SGCZ: variants seen among roughly 807,000 people sequenced by gnomAD.
SGCZ encodes zeta-sarcoglycan.
In SGCZ, 40 loss-of-function variants were observed where a neutral mutation model predicts 41.3. That is an observed-to-expected ratio of 0.97 (90% CI 0.75 to 1.26). SGCZ has a LOEUF of 1.26. SGCZ is among the 50% of genes most tolerant of loss of function. SGCZ has a pLI of 0.00. For missense variants in SGCZ, 552 were observed against 369.8 expected (o/e 1.49, Z -4.04); for synonymous variants, 206 against 137.5 (o/e 1.50, Z -3.49).
At chr8:14,403,425 T>A (rs1052611848) in intron 2 of SGCZ, among the ~76,000 whole-genome samples, 1 of 151,602 alleles carries the variant, frequency 6.6e-6, no homozygotes. Context: ...TGGCTGTGGG[T>A]TTGTCATAGA....
chr8:14,172,717 C>T (rs1025197311), intron 4 of SGCZ, among the ~76,000 whole-genome samples: 3 of 151,990 alleles, frequency 2.0e-5, no homozygotes, highest in Non-Finnish European at 4.4e-5. Context: ...AAATAGAGCC[C>T]ATCGGTGTTG....
At chr8:14,771,533 T>C (rs1269793337) in intron 1 of SGCZ, among the ~76,000 whole-genome samples, 2 of 152,160 alleles carry the variant, frequency 1.3e-5, no homozygotes, top group Non-Finnish European at 2.9e-5. Context: ...CAACTTAATC[T>C]AGGTTATTTT....
intron 4 of SGCZ, among the ~76,000 whole-genome samples, chr8:14,196,946 A>C (rs528111696): frequency 6.6e-6 from 1 of 152,178 alleles, no homozygotes; most frequent in Non-Finnish European, 1.5e-5. Flanking sequence ...TGGATGACGG[A>C]AAGGCATATA....
chr8:14,554,651 T>C, intron 2 of SGCZ, 81 bp downstream of exon 2: 1 of 1,163,286 alleles, frequency 8.6e-7, no homozygotes, highest in East Asian at 2.6e-5. Flanking sequence ...ATGAATAACT[T>C]TTGATTAAAA....
intron 2 of SGCZ, among the ~76,000 whole-genome samples, chr8:14,330,493 A>G (rs376963402): frequency 1.3e-5 from 2 of 152,210 alleles, no homozygotes; most frequent in East Asian, 3.9e-4. Context: ...GGAATTTCTT[A>G]TAAGAGACCG....
At chr8:15,099,354 A>G (rs182796394) in intron 1 of SGCZ, among the ~76,000 whole-genome samples, 1 of 152,218 alleles carries the variant, frequency 6.6e-6, no homozygotes, top group African/African-American at 2.4e-5. Context: ...GACCAATTAT[A>G]TGCCCATAAA....
intron 1 of SGCZ, among the ~76,000 whole-genome samples, chr8:14,699,143 A>G (rs1809057172): frequency 6.6e-6 from 1 of 151,430 alleles, no homozygotes. Context: ...ACAGTGTTGA[A>G]TAGTAACAAC....
chr8:14,882,549 T>C (rs186626113), intron 1 of SGCZ, among the ~76,000 whole-genome samples: 2 of 152,290 alleles, frequency 1.3e-5, no homozygotes, highest in East Asian at 3.9e-4. Context: ...ATTTTTAAAA[T>C]AAAAGATGTT....
intron 1 of SGCZ, among the ~76,000 whole-genome samples, chr8:15,065,512 T>A (rs7817336): frequency 0.011 from 1,704 of 151,588 alleles, 26 homozygotes; most frequent in African/African-American, 0.039. Context: ...TGGCAGGATC[T>A]CGGCTCACTG....
intron 3 of SGCZ, among the ~76,000 whole-genome samples, chr8:14,281,746 C>T (rs984624232): frequency 6.6e-6 from 1 of 151,966 alleles, no homozygotes; most frequent in Non-Finnish European, 1.5e-5. Context: ...ATACAAAACA[C>T]ATAGAGGGGC....
chr8:14,625,618 A>C (rs921180548), intron 1 of SGCZ, among the ~76,000 whole-genome samples: 4 of 152,048 alleles, frequency 2.6e-5, no homozygotes, highest in African/African-American at 9.7e-5. Context: ...TTTGTAGAAG[A>C]CAGGGTCTCA....
Position 14,289,833 on chromosome 8 carries a change from A to G in SGCZ, c.336+34270T>C, listed in dbSNP as rs565042571. Among the ~76,000 whole-genome samples, 116 of 145,316 alleles carry G rather than the reference A, an allele frequency of 8.0e-4. 2 individuals carry two copies. The highest frequency in any genetic ancestry group is 2.7e-3 in the African/African-American group (107 of 39,512). ...CTGAGACTAGATAATTAAAAAAAATAAAAAGAAAAGAAAAAGAGGTTTAAT... is the reference window on the plus strand; with the variant it reads ...CTGAGACTAGATAATTAAAAAAAATGAAAAGAAAAGAAAAAGAGGTTTAAT... On this transcript the variant is annotated intron_variant, in intron 3 of 7. Transcript: ENST00000382080.
intron 2 of SGCZ, among the ~76,000 whole-genome samples, chr8:14,507,900 T>G (rs1802355305): frequency 6.6e-6 from 1 of 152,066 alleles, no homozygotes; most frequent in Admixed American, 6.6e-5. Flanking sequence ...GCCTTTCTGG[T>G]AGCTGGGATT....
chr8:15,116,834 A>G (rs796243207), intron 1 of SGCZ, among the ~76,000 whole-genome samples: 12 of 152,332 alleles, frequency 7.9e-5, no homozygotes, highest in African/African-American at 2.9e-4. Context: ...GTAATACACA[A>G]GTGCTGTCAT....
chr8:15,193,650 T>C (rs1800614812), intron 1 of SGCZ, among the ~76,000 whole-genome samples: 1 of 151,334 alleles, frequency 6.6e-6, no homozygotes, highest in Non-Finnish European at 1.5e-5. Flanking sequence ...TTCTAAGCAT[T>C]GTTCTCTTAC....
At chr8:14,744,759 A>T (rs1266146976) in intron 1 of SGCZ, among the ~76,000 whole-genome samples, 1 of 152,190 alleles carries the variant, frequency 6.6e-6, no homozygotes, top group Non-Finnish European at 1.5e-5. Context: ...TGCTGAAGAA[A>T]TACCTTTCAG....
chr8:14,328,081 C>A (rs531944780), intron 2 of SGCZ, among the ~76,000 whole-genome samples: 2 of 152,178 alleles, frequency 1.3e-5, no homozygotes, highest in African/African-American at 4.8e-5. Flanking sequence ...TATGAAAAAA[C>A]GAATTTTCAA....
chr8:14,670,834 T>G lies in SGCZ; in HGVS notation c.40-115908A>C, dbSNP rs944388774. 3.3e-5 allele frequency among the ~76,000 whole-genome samples: 5 copies of G among 152,226 alleles called. 1 individual carries two copies. On this transcript the variant is annotated intron_variant, in intron 1 of 7. Coordinates refer to ENST00000382080, the MANE Select transcript of SGCZ (RefSeq NM_139167.4). ...AATTCCTTGTCTTAGTTTGCATAGA[T>G]AGCAAATGTCAAAGCTCACATTCAT... is the stretch of plus-strand genomic sequence containing the variant.
chr8:14,971,626 G>C (rs540254199), intron 1 of SGCZ, among the ~76,000 whole-genome samples: 1 of 148,512 alleles, frequency 6.7e-6, no homozygotes, highest in Non-Finnish European at 1.5e-5. Flanking sequence ...TGGTCATGAG[G>C]CATTACTCAT....
Sources: gnomAD v4.1 joint callset for allele counts (sites outside exome capture counted in the v4.1 genomes callset) on GRCh38, gnomAD v4.1.1 for gene constraint, MANE v1.5 for transcripts, NCBI Gene and HGNC (gene_info 2026-07-23, HGNC 2026-07-21) for gene names.